ADGRL2: variants seen among roughly 807,000 people sequenced by gnomAD.
ADGRL2 encodes the protein calcium-independent alpha-latrotoxin receptor 2.
In ADGRL2, 44 loss-of-function variants were observed where a neutral mutation model predicts 157.4. That is an observed-to-expected ratio of 0.28 (90% CI 0.22 to 0.36). The LOEUF (loss-of-function observed/expected upper bound fraction) is 0.36. Ranked by LOEUF, ADGRL2 falls within the 10% of genes least tolerant of loss-of-function variation. ADGRL2 has a pLI of 1.00. For missense variants in ADGRL2, 1,510 were observed against 1,768.9 expected (o/e 0.85, Z 2.63); for synonymous variants, 585 against 624.7 (o/e 0.94, Z 0.95).
chr1:81,673,510 A>AT (rs35732882), intron 3 of ADGRL2, among the ~76,000 whole-genome samples: 12,260 of 100,214 alleles, frequency 0.12, 857 homozygotes, highest in Non-Finnish European at 0.15. Flanking sequence ...TGTGCCTTCT[A>AT]TTTTTTTTTT....
intron 23 of ADGRL2, chr1:81,990,054 G>T: frequency 1.0e-6 from 1 of 984,852 alleles, no homozygotes; most frequent in Non-Finnish European, 1.2e-6. Context: ...GAATTGCTTT[G>T]CATTAACTAT....
At chr1:81,680,159 C>T (rs192538078) in intron 3 of ADGRL2, among the ~76,000 whole-genome samples, 3 of 152,252 alleles carry the variant, frequency 2.0e-5, no homozygotes, top group African/African-American at 7.2e-5. Context: ...TCTAAGTGGC[C>T]CAGTCCACTC....
At chr1:81,570,067 C>A (rs2148491632) in intron 2 of ADGRL2, among the ~76,000 whole-genome samples, 1 of 152,222 alleles carries the variant, frequency 6.6e-6, no homozygotes, top group South Asian at 2.1e-4. Flanking sequence ...AAACAGAAGT[C>A]ACAACATCAT....
intron 1 of ADGRL2, among the ~76,000 whole-genome samples, chr1:81,330,313 G>C (rs1014911645): frequency 6.6e-6 from 1 of 152,086 alleles, no homozygotes; most frequent in Non-Finnish European, 1.5e-5. Context: ...GTCACTGAAT[G>C]AAACACATGT....
chr1:81,321,885 C>G (rs1331683901), intron 1 of ADGRL2, among the ~76,000 whole-genome samples: 2 of 151,114 alleles, frequency 1.3e-5, no homozygotes, highest in Non-Finnish European at 2.9e-5. Context: ...TGCCACAAAC[C>G]TTCAGTTTGT....
chr1:81,351,949 G>T (rs1436208387), intron 1 of ADGRL2, among the ~76,000 whole-genome samples: 1 of 152,184 alleles, frequency 6.6e-6, no homozygotes, highest in Admixed American at 6.5e-5. Flanking sequence ...CATTTCAGTG[G>T]CAGGTAGCCA....
At chr1:81,744,092 A>G (rs1250772689) in intron 1 of ADGRL2, among the ~76,000 whole-genome samples, 1 of 152,150 alleles carries the variant, frequency 6.6e-6, no homozygotes, top group Non-Finnish European at 1.5e-5. Context: ...AGATACTTGC[A>G]AAGAGTGTGA....
intron 2 of ADGRL2, among the ~76,000 whole-genome samples, chr1:81,773,454 G>A (rs2086456012): frequency 6.6e-6 from 1 of 152,130 alleles, no homozygotes; most frequent in African/African-American, 2.4e-5. Context: ...TTGAAGCCTT[G>A]CCTTGACTAG....
chr1:81,484,006 C>T (rs890277884), intron 2 of ADGRL2, among the ~76,000 whole-genome samples: 1 of 152,090 alleles, frequency 6.6e-6, no homozygotes, highest in Admixed American at 6.6e-5. Flanking sequence ...TTCTAAATGG[C>T]ATAGGTTTTC....
chr1:81,373,012 T>C (rs544760474), intron 1 of ADGRL2, among the ~76,000 whole-genome samples: 31 of 152,316 alleles, frequency 2.0e-4, no homozygotes, highest in African/African-American at 7.5e-4. Flanking sequence ...TCTGATTCAG[T>C]ATGTCTTGGT....
At chr1:81,605,077 C>T (rs1257860870) in intron 3 of ADGRL2, among the ~76,000 whole-genome samples, 2 of 152,098 alleles carry the variant, frequency 1.3e-5, no homozygotes, top group Non-Finnish European at 2.9e-5. Flanking sequence ...CTACCAACCA[C>T]ATAACCTGAG....
Position 81,328,506 on chromosome 1 carries a change from C to CT in ADGRL2, c.-302+22003dup, listed in dbSNP as rs561443820. ...GGTTAGAAGCTTATTGATTAGGTCTCTTTTTTCTGTCTCTACCCTACCCCA... is the reference window on the plus strand; with the variant it reads ...GGTTAGAAGCTTATTGATTAGGTCTCTTTTTTTCTGTCTCTACCCTACCCCA... On this transcript the variant is annotated intron_variant, in intron 1 of 24. Coordinates refer to the ADGRL2 transcript ENST00000370721. Among the ~76,000 whole-genome samples, 376 of 152,190 alleles carry CT rather than the reference C, an allele frequency of 2.5e-3. 2 individuals carry two copies. Among genetic ancestry groups the CT allele is most frequent in the African/African-American group, 8.6e-3 (356 of 41,532 alleles).
At chr1:81,648,212 A>G (rs369021267) in intron 3 of ADGRL2, among the ~76,000 whole-genome samples, 31 of 152,320 alleles carry the variant, frequency 2.0e-4, no homozygotes, top group African/African-American at 7.0e-4. Context: ...TTAGAGCTGA[A>G]CTAAGAACCG....
chr1:81,921,291 TA>T (rs1182176011), intron 3 of ADGRL2, among the ~76,000 whole-genome samples: 1 of 152,106 alleles, frequency 6.6e-6, no homozygotes, highest in Non-Finnish European at 1.5e-5. Context: ...TTTTTGCAAA[TA>T]AAAAAATTCT....
At chr1:81,711,004 G>T (rs2083909373) in intron 1 of ADGRL2, among the ~76,000 whole-genome samples, 1 of 152,018 alleles carries the variant, frequency 6.6e-6, no homozygotes, top group South Asian at 2.1e-4. Context: ...TCATGCATTG[G>T]TCATTTGGAA....
intron 1 of ADGRL2, among the ~76,000 whole-genome samples, chr1:81,721,115 T>C (rs1041155531): frequency 2.0e-5 from 3 of 150,520 alleles, no homozygotes; most frequent in Non-Finnish European, 3.0e-5. Context: ...CAAGCGATCC[T>C]CCTGCGTCAG....
intron 2 of ADGRL2, among the ~76,000 whole-genome samples, chr1:81,783,214 C>T (rs1215324992): frequency 1.3e-5 from 2 of 152,196 alleles, no homozygotes; most frequent in Non-Finnish European, 1.5e-5. Flanking sequence ...ACCTCCACCT[C>T]CCCGGTTCAG....
chr1:81,652,648 CTT>C (rs1053551926), intron 3 of ADGRL2, among the ~76,000 whole-genome samples: 3 of 152,036 alleles, frequency 2.0e-5, no homozygotes, highest in Non-Finnish European at 4.4e-5. Context: ...ACTTTCTTTT[CTT>C]TTTAAAAATG....
chr1:81,932,284 G>A (rs2095244811), intron 3 of ADGRL2, among the ~76,000 whole-genome samples: 1 of 152,072 alleles, frequency 6.6e-6, no homozygotes, highest in African/African-American at 2.4e-5. Context: ...ATGTATACAT[G>A]TACTCAGATA....
Sources: gnomAD v4.1 joint callset for allele counts (sites outside exome capture counted in the v4.1 genomes callset) on GRCh38, gnomAD v4.1.1 for gene constraint, MANE v1.5 for transcripts, NCBI Gene and HGNC (gene_info 2026-07-23, HGNC 2026-07-21) for gene names.